ALDH8A1: variants seen among roughly 807,000 people sequenced by gnomAD.
The protein encoded by ALDH8A1 is 2-aminomuconic semialdehyde dehydrogenase.
Under a neutral mutation model 43.3 loss-of-function variants are expected in ALDH8A1, and 39 were observed. That is an observed-to-expected ratio of 0.90 (90% CI 0.70 to 1.18). The LOEUF (loss-of-function observed/expected upper bound fraction) is 1.18. ALDH8A1 is among the 50% of genes most tolerant of loss of function. The probability of loss-of-function intolerance (pLI) is 0.00; values close to 1 mark genes in which losing one functional copy is unlikely to be tolerated. For missense variants in ALDH8A1, 605 were observed against 622.6 expected (o/e 0.97, Z 0.30); for synonymous variants, 233 against 243.5 (o/e 0.96, Z 0.40).
At chr6:134,933,057 T>C (rs760785706) in intron 4 of ALDH8A1, 25 bp from the exon 5 acceptor site, 4 of 1,518,886 alleles carry the variant, frequency 2.6e-6, no homozygotes, top group South Asian at 1.3e-5. Context: ...GTATCAGTTA[T>C]AGTAATTCTC....
At chr6:134,921,117 A>C (rs1261105339) in intron 6 of ALDH8A1, among the ~76,000 whole-genome samples, 1 of 152,188 alleles carries the variant, frequency 6.6e-6, no homozygotes, top group Non-Finnish European at 1.5e-5. Flanking sequence ...GTTGGTGATG[A>C]TGATGAAATG....
intron 6 of ALDH8A1, among the ~76,000 whole-genome samples, chr6:134,924,337 C>T (rs1049177856): frequency 1.5e-4 from 23 of 152,198 alleles, no homozygotes; most frequent in Admixed American, 1.3e-3. Context: ...AAACCACAAC[C>T]TTGCACAAAG....
intron 4 of ALDH8A1, 26 bp downstream of exon 4, chr6:134,939,240 G>GC (rs1773806620): frequency 2.5e-6 from 4 of 1,610,240 alleles, no homozygotes; most frequent in Admixed American, 1.7e-5. Context: ...CTCTGTGCCT[G>GC]CCCCCCAACC....
chr6:134,946,511 A>G (rs1304206887), intron 1 of ALDH8A1, among the ~76,000 whole-genome samples: 1 of 152,262 alleles, frequency 6.6e-6, no homozygotes, highest in Non-Finnish European at 1.5e-5. Context: ...ATAAGTTAAT[A>G]CATAGAAAGC....
intron 4 of ALDH8A1, among the ~76,000 whole-genome samples, chr6:134,938,332 T>C (rs1241674642): frequency 6.6e-6 from 1 of 152,210 alleles, no homozygotes; most frequent in Non-Finnish European, 1.5e-5. Flanking sequence ...CCTGTGCCTG[T>C]GCGGAGCTAC....
In ALDH8A1 at chr6:134,918,409, C is replaced by T; in HGVS notation, c.*6G>A. 1 of 1,611,192 alleles carries T rather than the reference C, an allele frequency of 6.2e-7. No individual in the cohort carries two copies. Among genetic ancestry groups the T allele is most frequent in the South Asian group, 1.1e-5 (1 of 90,898 alleles). On this transcript the variant is annotated 3_prime_UTR_variant, in exon 7 of 7. Transcript: ENST00000265605. ...TTGGCCATAGTGGCTCCACCATTAG[C>T]AAAGATCAGTGTTTAACGGTGATGG...
At chr6:134,918,994 G>T in intron 6 of ALDH8A1, 127 bp from the exon 7 acceptor site, 1 of 1,097,408 alleles carries the variant, frequency 9.1e-7, no homozygotes, top group Non-Finnish European at 1.3e-6. Context: ...ATCTATGGTC[G>T]ATTATCTTAT....
chr6:134,937,590 A>G (rs1247627676), intron 4 of ALDH8A1, among the ~76,000 whole-genome samples: 3 of 152,240 alleles, frequency 2.0e-5, no homozygotes. Flanking sequence ...AAGATAACTC[A>G]TCATCTATCC....
intron 6 of ALDH8A1, among the ~76,000 whole-genome samples, chr6:134,920,958 T>A (rs1005051551): frequency 6.6e-6 from 1 of 152,168 alleles, no homozygotes; most frequent in Non-Finnish European, 1.5e-5. Context: ...TGTGCCTCAG[T>A]TTCCTTATCT....
At chr6:134,939,903 C>T (rs1056638685) in intron 3 of ALDH8A1, among the ~76,000 whole-genome samples, 11 of 152,250 alleles carry the variant, frequency 7.2e-5, no homozygotes, top group East Asian at 3.9e-4. Context: ...TAAAAAGGAA[C>T]GAGATCATGT....
chr6:134,942,149 A>G lies in ALDH8A1; in HGVS notation c.442+260T>C, dbSNP rs1313633100. 5 of 238,032 alleles carry G rather than the reference A, an allele frequency of 2.1e-5. No individual in the cohort carries two copies. In the East Asian group the frequency reaches 3.6e-4, roughly 17 times the overall value. 14.7% of individuals were successfully genotyped at this position (238,032 alleles called of 1,614,324 possible). On this transcript the variant is annotated intron_variant, in intron 3 of 6. Coordinates refer to ENST00000265605, the MANE Select transcript of ALDH8A1 (RefSeq NM_022568.4). ...ACTAGAGAATCACTAGAATCCGGGA[A>G]GCAGAGGTTGCAGTGAGCCGAGATC...
chr6:134,948,017 T>A (rs182400599), intron 1 of ALDH8A1, among the ~76,000 whole-genome samples: 1 of 152,256 alleles, frequency 6.6e-6, no homozygotes, highest in East Asian at 1.9e-4. Flanking sequence ...CATCAACAGC[T>A]GAATGGATAA....
intron 4 of ALDH8A1, among the ~76,000 whole-genome samples, chr6:134,938,687 G>A (rs537239942): frequency 1.2e-4 from 18 of 151,688 alleles, no homozygotes; most frequent in Middle Eastern, 3.4e-3. Flanking sequence ...TCACTCTGTC[G>A]CCCAGGCTGG....
intron 1 of ALDH8A1, chr6:134,944,223 A>T (rs770172893): frequency 6.6e-5 from 24 of 365,964 alleles, no homozygotes; most frequent in Non-Finnish European, 1.1e-4. Context: ...ATGTGCCACC[A>T]TGCCCAGCTA....
At chr6:134,923,362 G>A (rs923872977) in intron 6 of ALDH8A1, among the ~76,000 whole-genome samples, 3 of 151,916 alleles carry the variant, frequency 2.0e-5, no homozygotes, top group African/African-American at 7.3e-5. Flanking sequence ...AAGAAAAATT[G>A]ACTGAGAGAG....
chr6:134,928,133 TTCTC>T (rs1180615628), intron 6 of ALDH8A1, among the ~76,000 whole-genome samples: 1 of 152,134 alleles, frequency 6.6e-6, no homozygotes, highest in Non-Finnish European at 1.5e-5. Flanking sequence ...TCCCAGTCCT[TTCTC>T]TCTCCTGACC....
In ALDH8A1 at chr6:134,942,525, C is replaced by T. The variant is rs143751098; in HGVS notation, c.326G>A (p.Arg109Gln). 21 of 1,614,076 alleles carry T rather than the reference C, an allele frequency of 1.3e-5. No homozygotes were observed. The highest frequency in any genetic ancestry group is 5.0e-5 in the Admixed American group (3 of 60,016). Residue 109 changes from arginine to glutamine, a missense_variant, in exon 3 of 7, where the codon CGG becomes CAG. Arg to Gln is a conservative substitution (Grantham distance 43, BLOSUM62 1). Coordinates refer to ENST00000265605, the MANE Select transcript of ALDH8A1 (RefSeq NM_022568.4). ...GAAGAACCTGAAGTTCTGCACAGAC[C>T]GGGGAATGTCCATGGTTCTTGCCAG... ...LALARTMDIP[R>Q]SVQNFRFFAS...
chr6:134,925,565 C>G (rs1776868954), intron 6 of ALDH8A1, among the ~76,000 whole-genome samples: 1 of 152,172 alleles, frequency 6.6e-6, no homozygotes, highest in Non-Finnish European at 1.5e-5. Flanking sequence ...TGGAACACAT[C>G]ATGTGGTGTT....
intron 6 of ALDH8A1, among the ~76,000 whole-genome samples, chr6:134,923,327 G>A (rs1339076676): frequency 6.6e-6 from 1 of 150,836 alleles, no homozygotes; most frequent in East Asian, 1.9e-4. Flanking sequence ...ACCGTGCCCA[G>A]CGAAGGTTTA....
Sources: allele counts gnomAD v4.1 joint callset (sites outside exome capture counted in the v4.1 genomes callset), GRCh38; gene constraint gnomAD v4.1.1; transcripts MANE v1.5; gene names NCBI Gene and HGNC (gene_info 2026-07-23, HGNC 2026-07-21).